The following CIMAP3 variants were observed in gnomAD, a reference collection of about 807,000 sequenced individuals.
The protein encoded by CIMAP3 is ciliary microtubule associated protein 3.
chr1:111,339,852 C>T, the CIMAP3 span, among the ~76,000 whole-genome samples: 1 of 151,800 alleles, frequency 6.6e-6, no homozygotes, highest in African/African-American at 2.4e-5. Context: ...TTGGAAAAAA[C>T]TACTTTAAAG....
At chr1:111,347,184 T>C in the CIMAP3 span, 91 of 1,049,058 alleles carry the variant, frequency 8.7e-5, no homozygotes, top group Middle Eastern at 3.0e-4. Context: ...AAGCGCTCTG[T>C]TCTTCTGCAA....
chr1:111,331,352 C>A, the CIMAP3 span, among the ~76,000 whole-genome samples: 3 of 152,130 alleles, frequency 2.0e-5, no homozygotes, highest in African/African-American at 7.2e-5. Flanking sequence ...TTAATGATGT[C>A]CATAAATCCT....
At chr1:111,346,621 C>G in the CIMAP3 span, 1 of 1,614,042 alleles carries the variant, frequency 6.2e-7, no homozygotes, top group South Asian at 1.1e-5. Flanking sequence ...CTTGGCAACG[C>G]AGTACACAAG....
At chr1:111,331,304 C>T in the CIMAP3 span, among the ~76,000 whole-genome samples, 134 of 152,284 alleles carry the variant, frequency 8.8e-4, 2 homozygotes, top group Middle Eastern at 0.01. Context: ...GTTTCCCTCA[C>T]ATTTTCTCTT....
the CIMAP3 span, among the ~76,000 whole-genome samples, chr1:111,337,072 C>G: frequency 6.6e-6 from 1 of 152,200 alleles, no homozygotes; most frequent in East Asian, 1.9e-4. Context: ...AATTTTCAAC[C>G]CAGAATTTCA....
chr1:111,346,678 A>C, the CIMAP3 span: 1 of 1,613,528 alleles, frequency 6.2e-7, no homozygotes, highest in East Asian at 2.2e-5. Context: ...GCAGGTGAGG[A>C]GGGCTGCCGA....
At chr1:111,324,762 G>T in the CIMAP3 span, 22 of 985,084 alleles carry the variant, frequency 2.2e-5, no homozygotes, top group Middle Eastern at 5.2e-4. Context: ...GTTCCCCTGA[G>T]GACCTGTTCT....
the CIMAP3 span, among the ~76,000 whole-genome samples, chr1:111,336,367 T>C: frequency 3.3e-5 from 5 of 151,978 alleles, no homozygotes; most frequent in Admixed American, 6.5e-5. Flanking sequence ...CTTTGACGAG[T>C]TGAGAGAAGA....
the CIMAP3 span, chr1:111,350,234 T>A: frequency 5.1e-6 from 8 of 1,574,278 alleles, no homozygotes; most frequent in South Asian, 8.9e-5. Flanking sequence ...GTAATAAGAT[T>A]GGAACTTCTG....
chr1:111,329,529 AT>A, the CIMAP3 span, among the ~76,000 whole-genome samples: 1 of 24,180 alleles, frequency 4.1e-5, no homozygotes, highest in South Asian at 2.3e-3. Flanking sequence ...ATATATATAT[AT>A]ATATATATAT....
chr1:111,337,368 G>T, the CIMAP3 span, among the ~76,000 whole-genome samples: 1 of 152,050 alleles, frequency 6.6e-6, no homozygotes, highest in African/African-American at 2.4e-5. Flanking sequence ...AAATGTAAAT[G>T]GACTAAATGC....
At chr1:111,324,990 C>A in the CIMAP3 span, 1 of 672,134 alleles carries the variant, frequency 1.5e-6, no homozygotes, top group Non-Finnish European at 1.8e-6. Context: ...TCTCTGATTA[C>A]ACAAGTTCTC....
the CIMAP3 span, among the ~76,000 whole-genome samples, chr1:111,335,256 C>T: frequency 6.6e-6 from 1 of 151,882 alleles, no homozygotes; most frequent in African/African-American, 2.4e-5. Context: ...CGGTCTACAG[C>T]TCCCAGAGTG....
the CIMAP3 span, chr1:111,352,543 A>G: frequency 6.6e-6 from 1 of 152,668 alleles, no homozygotes; most frequent in South Asian, 2.1e-4. Flanking sequence ...ATGAGAAATC[A>G]CATAGGATAT....
chr1:111,344,466 A>G, the CIMAP3 span, among the ~76,000 whole-genome samples: 1 of 152,172 alleles, frequency 6.6e-6, no homozygotes, highest in Non-Finnish European at 1.5e-5. Flanking sequence ...AAGCGTTCCA[A>G]TGGAACAGCA....
chr1:111,346,543 G>A, the CIMAP3 span: 6 of 1,562,200 alleles, frequency 3.8e-6, no homozygotes, highest in Middle Eastern at 2.1e-4. Context: ...TTGCCGCGCA[G>A]GCGCGCTCGG....
At chr1:111,325,884 G>A in the CIMAP3 span, among the ~76,000 whole-genome samples, 2 of 151,970 alleles carry the variant, frequency 1.3e-5, no homozygotes, top group Non-Finnish European at 2.9e-5. Context: ...AGTATTAGGA[G>A]AACTAATAAC....
chr1:111,346,989 G>C, the CIMAP3 span: 1 of 1,614,002 alleles, frequency 6.2e-7, no homozygotes, highest in Non-Finnish European at 8.5e-7. Flanking sequence ...ATTTGATTGG[G>C]AACAAGTTTG....
At chr1:111,346,446 G>C in the CIMAP3 span, 2 of 617,664 alleles carry the variant, frequency 3.2e-6, no homozygotes, top group African/African-American at 3.8e-5. Context: ...TCTACCCGCA[G>C]CCCAGCTACT....
Sources: allele counts gnomAD v4.1 joint callset (sites outside exome capture counted in the v4.1 genomes callset), GRCh38; gene constraint gnomAD v4.1.1; transcripts MANE v1.5; gene names NCBI Gene and HGNC (gene_info 2026-07-23, HGNC 2026-07-21).